Variants in TLK2 observed in about 807,000 individuals in gnomAD.
TLK2 encodes tousled like kinase 2.
In TLK2, 6 loss-of-function variants were observed where a neutral mutation model predicts 117.3. The ratio of observed to expected loss-of-function variants is 0.05; its 90% CI spans 0.03 to 0.10. The LOEUF (loss-of-function observed/expected upper bound fraction) is 0.10, where lower values mean the gene tolerates loss of function less well. Ranked by LOEUF, TLK2 falls within the 10% of genes least tolerant of loss-of-function variation. The pLI is 1.00. For missense variants in TLK2, 299 were observed against 901.2 expected, an observed-to-expected ratio of 0.33 and a Z score of 8.56; for synonymous variants, 257 against 316.7, an observed-to-expected ratio of 0.81 and a Z score of 2.00.
At chr17:62,531,002 C>CT (rs2076703191) in intron 6 of TLK2, among the ~76,000 whole-genome samples, 1 of 151,994 alleles carries the variant, frequency 6.6e-6, no homozygotes, top group Admixed American at 6.6e-5. Flanking sequence ...TTGAAGGTAT[C>CT]TGCTTTTTTT....
chr17:62,494,315 T>A (rs1212860452), intron 2 of TLK2, among the ~76,000 whole-genome samples: 1 of 152,196 alleles, frequency 6.6e-6, no homozygotes, highest in African/African-American at 2.4e-5. Context: ...ACTCTTGACC[T>A]CAAGTGATCC....
intron 21 of TLK2, among the ~76,000 whole-genome samples, chr17:62,610,114 C>G (rs556958341): frequency 6.6e-6 from 1 of 152,298 alleles, no homozygotes; most frequent in African/African-American, 2.4e-5. Flanking sequence ...TTTTTCAAGA[C>G]TATTTCTTTA....
At chr17:62,574,395 C>T in intron 12 of TLK2, 4 of 1,445,568 alleles carry the variant, frequency 2.8e-6, no homozygotes, top group Non-Finnish European at 3.8e-6. Context: ...GCCTTAGGAG[C>T]CCACAGTTTA....
At chr17:62,511,072 G>C (rs1305779718) in intron 2 of TLK2, among the ~76,000 whole-genome samples, 2 of 152,140 alleles carry the variant, frequency 1.3e-5, no homozygotes, top group Non-Finnish European at 2.9e-5. Flanking sequence ...ATTCTAGTAT[G>C]TTATTAAAAC....
chr17:62,523,040 A>C (rs1387330654), intron 4 of TLK2, 94 bp from the exon 5 acceptor site: 1 of 1,266,874 alleles, frequency 7.9e-7, no homozygotes, highest in African/African-American at 1.5e-5. Flanking sequence ...GGTTTATAGC[A>C]ATGTATGTAG....
In TLK2 at chr17:62,612,785, G is replaced by A. The variant is rs955459382; in HGVS notation, c.*220G>A. Reference sequence around the variant, plus strand: ...GCCAGGCCTTGTAGGAAAAGGCCCCGCCCGAGGTTCCAGCGTCAACGGCCA... The same window carrying A: ...GCCAGGCCTTGTAGGAAAAGGCCCCACCCGAGGTTCCAGCGTCAACGGCCA... On this transcript the variant is annotated 3_prime_UTR_variant, in exon 22 of 22. Transcript: ENST00000346027. 1.3e-5 allele frequency: 5 copies of A among 378,914 alleles called. No homozygotes were observed. Among genetic ancestry groups the A allele is most frequent in the East Asian group, 9.0e-5 (2 of 22,286 alleles). The allele number at this position is 378,914 out of a possible 1,614,324, so 23.5% of individuals were successfully genotyped here.
intron 19 of TLK2, among the ~76,000 whole-genome samples, chr17:62,604,760 T>A (rs1171285352): frequency 6.6e-6 from 1 of 150,582 alleles, no homozygotes; most frequent in Non-Finnish European, 1.5e-5. Flanking sequence ...AATAAAAAAA[T>A]TAGCTGGGCG....
intron 2 of TLK2, among the ~76,000 whole-genome samples, chr17:62,504,857 T>G (rs1353274807): frequency 3.3e-5 from 5 of 152,258 alleles, no homozygotes; most frequent in African/African-American, 9.6e-5. Flanking sequence ...TTATTATTTA[T>G]TTATTTATTA....
chr17:62,503,439 A>T (rs1291078862), intron 2 of TLK2, among the ~76,000 whole-genome samples: 24 of 135,090 alleles, frequency 1.8e-4, no homozygotes, highest in Admixed American at 1.7e-3. Flanking sequence ...TTTTTTTGAG[A>T]CAGGGTCTCA....
upstream of TLK2, among the ~76,000 whole-genome samples, chr17:62,476,277 G>A (rs537018243): frequency 6.6e-6 from 1 of 151,828 alleles, no homozygotes; most frequent in South Asian, 2.1e-4. Flanking sequence ...ACCGCACCCA[G>A]CCTACTTTGA....
chr17:62,538,327 G>A (rs1350636784), intron 7 of TLK2, among the ~76,000 whole-genome samples: 3 of 152,100 alleles, frequency 2.0e-5, no homozygotes, highest in African/African-American at 4.8e-5. Flanking sequence ...GAGCCACCGC[G>A]CCTGGCCTTT....
At chr17:62,479,816 G>A (rs1050165031) in intron 1 of TLK2, among the ~76,000 whole-genome samples, 1 of 152,268 alleles carries the variant, frequency 6.6e-6, no homozygotes, top group African/African-American at 2.4e-5. Context: ...CGGGCCTGGG[G>A]ATGGAGGTTT....
intron 2 of TLK2, among the ~76,000 whole-genome samples, chr17:62,505,160 C>G (rs888504): frequency 6.6e-6 from 1 of 151,982 alleles, no homozygotes; most frequent in Non-Finnish European, 1.5e-5. Flanking sequence ...TTTAAAAGTA[C>G]GTCACTCACA....
At position 62,500,231 on chromosome 17, in the gene TLK2, G is replaced by A. The variant is rs530467642; in HGVS notation, c.81+19025G>A. On this transcript the variant is annotated intron_variant, in intron 2 of 21. Coordinates refer to ENST00000346027, the MANE Select transcript of TLK2 (RefSeq NM_006852.6). ...ACTACAAGTGTGTACTACCACACCT[G>A]GCTAATTGTATCTTTATATTTAAAA... Among the ~76,000 whole-genome samples the A allele has an allele frequency of 2.5e-3, 377 of 151,592 alleles. 1 individual carries two copies. Among genetic ancestry groups the A allele is most frequent in the African/African-American group, 8.4e-3 (346 of 41,294 alleles).
chr17:62,516,601 C>A, intron 2 of TLK2: 1 of 1,610,264 alleles, frequency 6.2e-7, no homozygotes, highest in South Asian at 1.1e-5. Flanking sequence ...TTTCACGTAG[C>A]CTCGGCACTT....
At chr17:62,593,781 TAC>T (rs1264804338) in intron 16 of TLK2, among the ~76,000 whole-genome samples, 2 of 151,024 alleles carry the variant, frequency 1.3e-5, no homozygotes, top group Non-Finnish European at 2.9e-5. Flanking sequence ...GTAGAAGTGG[TAC>T]ACTCTAAATT....
chr17:62,498,359 A>C (rs149638138), intron 2 of TLK2, among the ~76,000 whole-genome samples: 2 of 151,958 alleles, frequency 1.3e-5, no homozygotes, highest in Non-Finnish European at 1.5e-5. Flanking sequence ...AGTTAACTTA[A>C]ACATAGTTGA....
intron 2 of TLK2, among the ~76,000 whole-genome samples, chr17:62,513,808 C>G (rs1293770349): frequency 2.0e-5 from 3 of 151,976 alleles, no homozygotes; most frequent in Non-Finnish European, 4.4e-5. Context: ...CTGCCTCAGC[C>G]TCCTGAGTAG....
chr17:62,609,762 A>G (rs2083594092), intron 21 of TLK2, among the ~76,000 whole-genome samples: 3 of 152,220 alleles, frequency 2.0e-5, no homozygotes, highest in Non-Finnish European at 2.9e-5. Flanking sequence ...AGGCAAGTTA[A>G]ACCTTTTAAG....
Sources: gnomAD v4.1 joint callset for allele counts (sites outside exome capture counted in the v4.1 genomes callset) on GRCh38, gnomAD v4.1.1 for gene constraint, MANE v1.5 for transcripts, NCBI Gene and HGNC (gene_info 2026-07-23, HGNC 2026-07-21) for gene names.